Variants in SNF8 observed in about 807,000 individuals in gnomAD.
The protein encoded by SNF8 is vacuolar-sorting protein SNF8.
A neutral mutation model predicts 36.8 loss-of-function variants in SNF8; 19 were observed. That is an observed-to-expected ratio of 0.52 (90% CI 0.36 to 0.76). SNF8 has a LOEUF of 0.76. Among genes scored for constraint, SNF8 ranks in the 30% least tolerant of loss-of-function variants. SNF8 has a pLI of 0.00. For missense variants in SNF8, 268 were observed against 322.9 expected, an observed-to-expected ratio of 0.83 and a Z score of 1.30; for synonymous variants, 127 against 127.4, an observed-to-expected ratio of 1.00 and a Z score of 0.02.
Position 48,944,661 on chromosome 17 carries a change from T to A in SNF8, c.54+20A>T. On this transcript the variant is annotated intron_variant, in intron 1 of 7. Coordinates refer to ENST00000502492, the MANE Select transcript of SNF8 (RefSeq NM_007241.4). ...GCACGGGTCAGGGGCAGGTTGTGGG[T>A]CGGCCTTCTTCCTGCTCACCTCTGC... 6.2e-7 allele frequency: 1 copy of A among 1,612,162 alleles called. No individual in the cohort carries two copies. Among genetic ancestry groups the A allele is most frequent in the Non-Finnish European group, 8.5e-7 (1 of 1,178,884 alleles).
In SNF8 at chr17:48,937,630, C is replaced by CAAAA. The variant is rs779378205; in HGVS notation, c.245-510_245-507dup. Among the ~76,000 whole-genome samples, 468 of 143,248 alleles carry CAAAA rather than the reference C, an allele frequency of 3.3e-3. 9 individuals carry two copies. Among genetic ancestry groups the CAAAA allele is most frequent in the Middle Eastern group, 0.011 (3 of 270 alleles). 94.0% of individuals were successfully genotyped at this position (143,248 alleles called of 152,430 possible). ...GGGCAATAAGAGCACAACTCTCTCT[C>CAAAA]AAAAAAAAAAAATACAGCCGGGGAC... On this transcript the variant is annotated intron_variant, in intron 3 of 7. Transcript: ENST00000502492.
intron 5 of SNF8, 88 bp downstream of exon 5, chr17:48,936,082 C>T: frequency 1.1e-6 from 1 of 927,388 alleles, no homozygotes; most frequent in South Asian, 1.4e-5. Context: ...CTAAGCTAGC[C>T]TAGACATGAG....
At position 48,930,397 on chromosome 17, in the gene SNF8, G is replaced by A; in HGVS notation, c.*78C>T. 17 of 1,360,312 alleles carry A rather than the reference G, an allele frequency of 1.2e-5. No individual in the cohort carries two copies. Among genetic ancestry groups the A allele is most frequent in the Non-Finnish European group, 1.6e-5 (17 of 1,042,134 alleles). The allele number at this position is 1,360,312 out of a possible 1,614,324, so 84.3% of individuals were successfully genotyped here. A position where few individuals can be genotyped will look rare whatever the true frequency, so the allele number is the denominator to read the frequency against. On this transcript the variant is annotated 3_prime_UTR_variant, in exon 8 of 8. Transcript: ENST00000502492. ...ACTTGGAACTTTTTTTCTATTTTTT[G>A]TATAAACAAAATTGCCCAGGTTTAT...
Position 48,930,520 on chromosome 17 carries a change from G to GT in SNF8, c.731dup (p.Tyr244Ter). 1 of 1,612,450 alleles carries GT rather than the reference G, an allele frequency of 6.2e-7. No individual in the cohort carries two copies. Among genetic ancestry groups the GT allele is most frequent in the Non-Finnish European group, 8.5e-7 (1 of 1,179,780 alleles). Residue 244 changes from tyrosine to a stop codon, truncating the protein, a stop_gained and frameshift_variant, in exon 8 of 8, where the codon TAC becomes TAAC. Coordinates refer to ENST00000502492, the MANE Select transcript of SNF8 (RefSeq NM_007241.4). LOFTEE classifies it high-confidence loss of function. ...CCTCCTCAGCTGTAATCTCCTGGGA[G>GT]TAGAGGTCAGTGAAGAGAGCTGGCA... is the stretch of plus-strand genomic sequence containing the variant. ...YWLPALFTDLYSQEITAEEAR... is the reference protein window; with the variant it reads ...YWLPALFTDL
Position 48,936,158 on chromosome 17 carries a change from G to C in SNF8, c.422+12C>G. On this transcript the variant is annotated intron_variant, in intron 5 of 7. Coordinates refer to ENST00000502492, the MANE Select transcript of SNF8 (RefSeq NM_007241.4). ...CTTTCTGTACTCCAAGGGATTGGAAGACAAGACCTACTGACTGACATCCTG... is the reference window on the plus strand; with the variant it reads ...CTTTCTGTACTCCAAGGGATTGGAACACAAGACCTACTGACTGACATCCTG... The C allele has an allele frequency of 5.6e-6, 9 of 1,605,156 alleles. No individual in the cohort carries two copies. Among genetic ancestry groups the C allele is most frequent in the Non-Finnish European group, 7.7e-6 (9 of 1,171,916 alleles).
chr17:48,939,685 C>A (rs1347942044), intron 3 of SNF8, among the ~76,000 whole-genome samples: 1 of 151,880 alleles, frequency 6.6e-6, no homozygotes, highest in Non-Finnish European at 1.5e-5. Context: ...GGCCTCATCT[C>A]CTGACCTTAT....
At chr17:48,932,922 A>G (rs2040880831) in intron 6 of SNF8, 2 of 325,194 alleles carry the variant, frequency 6.2e-6, no homozygotes, top group Admixed American at 9.4e-5. Flanking sequence ...TGGCTACCCA[A>G]AGAAATCTAG....
At chr17:48,933,850 G>C (rs1156341262) in intron 5 of SNF8, among the ~76,000 whole-genome samples, 1 of 152,236 alleles carries the variant, frequency 6.6e-6, no homozygotes, top group East Asian at 1.9e-4. Flanking sequence ...TGTCTGCTCA[G>C]CGAACCACTC....
At position 48,941,257 on chromosome 17, in the gene SNF8, C is replaced by T. The variant is rs369891596; in HGVS notation, c.106-195G>A. Reference sequence around the variant, plus strand: ...TTCTGTTGTCAGCAGAAATGGGATGCTGTACTGTTTTCTCACTTCCAAAAT... The same window carrying T: ...TTCTGTTGTCAGCAGAAATGGGATGTTGTACTGTTTTCTCACTTCCAAAAT... On this transcript the variant is annotated intron_variant, in intron 2 of 7. Coordinates refer to ENST00000502492, the MANE Select transcript of SNF8 (RefSeq NM_007241.4). Among the ~76,000 whole-genome samples, 15 of 152,154 alleles carry T rather than the reference C, an allele frequency of 9.9e-5. No individual in the cohort carries two copies. In the East Asian group the frequency reaches 2.7e-3, roughly 27 times the overall value.
At chr17:48,940,595 C>G (rs1270585041) in intron 3 of SNF8, among the ~76,000 whole-genome samples, 1 of 151,972 alleles carries the variant, frequency 6.6e-6, no homozygotes, top group Non-Finnish European at 1.5e-5. Flanking sequence ...TCAAGACCAT[C>G]CTGGCTAACA....
At chr17:48,942,037 A>C (rs4793995) in intron 2 of SNF8, among the ~76,000 whole-genome samples, 62,618 of 151,810 alleles carry the variant, frequency 0.41, 15,399 homozygotes, top group East Asian at 0.71. Flanking sequence ...AAAACTTTTG[A>C]GTCATGAACC....
At chr17:48,941,772 C>A (rs966538800) in intron 2 of SNF8, among the ~76,000 whole-genome samples, 1 of 151,950 alleles carries the variant, frequency 6.6e-6, no homozygotes, top group Admixed American at 6.6e-5. Context: ...CTCACTGCAA[C>A]CTTCGCCTCC....
chr17:48,931,960 G>T, intron 6 of SNF8: 1 of 348,550 alleles, frequency 2.9e-6, no homozygotes, highest in Non-Finnish European at 5.3e-6. Flanking sequence ...GCTCATGCCT[G>T]TAATCCTAGC....
rs758524163 is a variant in SNF8 at position 48,936,143 on chromosome 17, T to G, written c.422+27A>C. 4 of 1,572,690 alleles carry G rather than the reference T, an allele frequency of 2.5e-6. No homozygotes were observed. The South Asian group carries it at 4.4e-5, about 17-fold the overall frequency. On this transcript the variant is annotated intron_variant, in intron 5 of 7. Transcript: ENST00000502492. ...GAATTTTAAAGACCTCTTTCTGTAC[T>G]CCAAGGGATTGGAAGACAAGACCTA...
At chr17:48,937,700 G>A (rs1433469418) in intron 3 of SNF8, among the ~76,000 whole-genome samples, 2 of 151,472 alleles carry the variant, frequency 1.3e-5, no homozygotes, top group African/African-American at 2.4e-5. Context: ...AGCCAAAGCT[G>A]GTGGATCACA....
At position 48,940,983 on chromosome 17, in the gene SNF8, G is replaced by C; in HGVS notation, c.185C>G (p.Pro62Arg). Reference protein sequence around the residue: ...SKHKQEIRKNPEFRVQFQDMC... With the variant: ...SKHKQEIRKNREFRVQFQDMC... ...GTCCTGGAACTGCACACGGAACTCA[G>C]GATTCTTCCGGATCTCCTGCTTGTG... is the stretch of plus-strand genomic sequence containing the variant. The change falls in exon 3 of 8, where the codon CCT becomes CGT. Residue 62 changes from proline (P) to arginine (R), a missense_variant. Physicochemically the swap from Pro to Arg is moderately radical, Grantham distance 103. Transcript: ENST00000502492. The C allele has an allele frequency of 6.2e-7, 1 of 1,613,318 alleles. No individual in the cohort carries two copies.
Position 48,937,049 on chromosome 17 carries a change from A to G in SNF8, c.320T>C (p.Val107Ala), listed in dbSNP as rs558743408. ...ATTCCGATGCTTCAGCGCCAGGCAC[A>G]CTTCGATAATTTGGACACCTAGTTC... ...YYELGVQIIE[V>A]CLALKHRNGG... The change falls in exon 4 of 8, where the codon GTG becomes GCG. Residue 107 changes from valine (V) to alanine (A), a missense_variant. Val to Ala is a moderately conservative substitution (Grantham distance 64). Transcript: ENST00000502492. 1.9e-6 allele frequency: 3 copies of G among 1,614,126 alleles called. No homozygotes were observed. Among genetic ancestry groups the G allele is most frequent in the Admixed American group, 1.7e-5 (1 of 60,002 alleles).
chr17:48,932,478 G>C (rs2040873493), intron 6 of SNF8: 1 of 152,150 alleles, frequency 6.6e-6, no homozygotes, highest in African/African-American at 2.4e-5. Flanking sequence ...CGGGTGCGGT[G>C]GCTCACCCCT....
chr17:48,941,370 A>G (rs373778807), intron 2 of SNF8, among the ~76,000 whole-genome samples: 3 of 152,224 alleles, frequency 2.0e-5, no homozygotes, highest in Admixed American at 1.3e-4. Flanking sequence ...TATGCACAAA[A>G]AAAGAAAAAG....
Sources: allele counts gnomAD v4.1 joint callset (sites outside exome capture counted in the v4.1 genomes callset), GRCh38; gene constraint gnomAD v4.1.1; transcripts MANE v1.5; gene names NCBI Gene and HGNC (gene_info 2026-07-23, HGNC 2026-07-21).